The following FOXN3 variants were observed in gnomAD, a reference collection of about 807,000 sequenced individuals.
The protein encoded by FOXN3 is forkhead box protein N3.
A neutral mutation model predicts 38.4 loss-of-function variants in FOXN3; 7 were observed. The ratio of observed to expected loss-of-function variants is 0.18; its 90% CI spans 0.10 to 0.34. The LOEUF is 0.34. Ranked by LOEUF, FOXN3 falls within the 10% of genes least tolerant of loss-of-function variation. FOXN3 has a pLI of 1.00. For synonymous variants in FOXN3, 230 were observed against 242.2 expected, an observed-to-expected ratio of 0.95 and a Z score of 0.47; for missense variants, 456 against 613.4, an observed-to-expected ratio of 0.74 and a Z score of 2.71.
intron 1 of FOXN3, among the ~76,000 whole-genome samples, chr14:89,434,753 A>G (rs753656563): frequency 4.6e-5 from 7 of 152,158 alleles, no homozygotes; most frequent in Non-Finnish European, 8.8e-5. Flanking sequence ...TGAATGTCCT[A>G]CTACCACAAG....
chr14:89,473,382 CTT>C (rs75534470), intron 1 of FOXN3, among the ~76,000 whole-genome samples: 30 of 137,986 alleles, frequency 2.2e-4, no homozygotes, highest in Middle Eastern at 4.1e-3. Context: ...CTCCACAACG[CTT>C]TTTTTTTTTT....
intron 3 of FOXN3, among the ~76,000 whole-genome samples, chr14:89,302,955 A>G (rs2139948691): frequency 6.6e-6 from 1 of 152,194 alleles, no homozygotes; most frequent in East Asian, 1.9e-4. Flanking sequence ...AACTGCTACC[A>G]CTTCATATAC....
chr14:89,505,390 TCA>T (rs1893896787), intron 1 of FOXN3, among the ~76,000 whole-genome samples: 1 of 150,432 alleles, frequency 6.6e-6, no homozygotes, highest in Admixed American at 6.6e-5. Flanking sequence ...TTCTCCTGCC[TCA>T]GCCTGCCGAG....
At chr14:89,591,134 G>A (rs891122083) in intron 1 of FOXN3, among the ~76,000 whole-genome samples, 6 of 152,112 alleles carry the variant, frequency 3.9e-5, no homozygotes, top group African/African-American at 9.7e-5. Flanking sequence ...TAGGAGTGTC[G>A]GCTGTGACCT....
At position 89,528,376 on chromosome 14, in the gene FOXN3, C is replaced by CTTTTTTTTTTTTTTTTTTTTTTTTTTTT. The variant is rs55935162; in HGVS notation, c.-15+90624_-15+90651dup. On this transcript the variant is annotated intron_variant, in intron 1 of 6. Transcript: ENST00000345097. ...TCATCCATACTCAACATGGATGAATCTTTTTTTTTTTTTTTTTTTTTTTTT... is the reference window on the plus strand; with the variant it reads ...TCATCCATACTCAACATGGATGAATCTTTTTTTTTTTTTTTTTTTTTTTTTTTTTTTTTTTTTTTTTTTTTTTTTTTTT... Among the ~76,000 whole-genome samples, 4 of 53,576 alleles carry CTTTTTTTTTTTTTTTTTTTTTTTTTTTT rather than the reference C, an allele frequency of 7.5e-5. 1 individual carries two copies. The highest frequency in any genetic ancestry group is 1.0e-4 in the Non-Finnish European group (3 of 29,540). 35.1% of individuals were successfully genotyped at this position (53,576 alleles called of 152,430 possible). A position where few individuals can be genotyped will look rare whatever the true frequency, so the allele number is the denominator to read the frequency against.
chr14:89,328,652 T>C (rs995446286), intron 3 of FOXN3, among the ~76,000 whole-genome samples: 3 of 152,118 alleles, frequency 2.0e-5, no homozygotes, highest in African/African-American at 7.2e-5. Flanking sequence ...CCAGCAGCAC[T>C]AGATGAATGG....
intron 1 of FOXN3, among the ~76,000 whole-genome samples, chr14:89,545,502 G>A (rs1279307417): frequency 1.3e-5 from 2 of 152,142 alleles, no homozygotes; most frequent in East Asian, 1.9e-4. Context: ...TGTCCCATTC[G>A]TGGCCTCCCC....
chr14:89,234,753 G>A (rs1213072822), intron 4 of FOXN3, among the ~76,000 whole-genome samples: 1 of 151,616 alleles, frequency 6.6e-6, no homozygotes, highest in African/African-American at 2.4e-5. Context: ...TTGGACAGGT[G>A]TGAGCTGGTA....
At chr14:89,483,660 G>A (rs539012866) in intron 1 of FOXN3, among the ~76,000 whole-genome samples, 15 of 152,092 alleles carry the variant, frequency 9.9e-5, no homozygotes, top group Admixed American at 2.6e-4. Flanking sequence ...CGCCTGCCTC[G>A]GCCTCCCAAA....
intron 1 of FOXN3, among the ~76,000 whole-genome samples, chr14:89,549,959 T>C (rs1894967251): frequency 6.6e-6 from 1 of 152,242 alleles, no homozygotes; most frequent in Non-Finnish European, 1.5e-5. Context: ...GGCCGGCTAA[T>C]GCTCCTTCAG....
chr14:89,532,870 G>C (rs1894598930), intron 1 of FOXN3, among the ~76,000 whole-genome samples: 1 of 152,178 alleles, frequency 6.6e-6, no homozygotes, highest in Non-Finnish European at 1.5e-5. Flanking sequence ...CAAAGGTATA[G>C]CTATACATGT....
At position 89,180,739 on chromosome 14, in the gene FOXN3, C is replaced by T. The variant is rs190813559; in HGVS notation, c.813G>A (p.Pro271=). The change falls in exon 5 of 6, where the codon CCG becomes CCA. Residue 271 remains proline, a synonymous_variant. Coordinates refer to ENST00000557258, the MANE Select transcript of FOXN3 (RefSeq NM_005197.4). ...TCACCCCAATGGGAGTGATTGGCAG[C>T]GGCCGCACGCCAGGAAACAGCCCTC... ...LSRGLFPGVR[P]LPITPIGVTA... is the part of the protein sequence containing the mutation. The T allele has an allele frequency of 6.5e-5, 104 of 1,611,538 alleles. No individual in the cohort carries two copies. Among genetic ancestry groups the T allele is most frequent in the East Asian group, 6.0e-4 (27 of 44,826 alleles).
intron 1 of FOXN3, among the ~76,000 whole-genome samples, chr14:89,610,441 C>T (rs242765): frequency 0.94 from 143,363 of 152,302 alleles, 68,062 homozygotes; most frequent in East Asian, 1. Flanking sequence ...ATGGATCTGA[C>T]GGGATAACTC....
chr14:89,299,400 C>T (rs1364355796), intron 3 of FOXN3, among the ~76,000 whole-genome samples: 1 of 152,242 alleles, frequency 6.6e-6, no homozygotes, highest in Non-Finnish European at 1.5e-5. Context: ...TCCATTAAAC[C>T]TCTTTCCTTT....
chr14:89,578,311 G>C (rs1462472187), intron 1 of FOXN3, among the ~76,000 whole-genome samples: 1 of 152,118 alleles, frequency 6.6e-6, no homozygotes, highest in Non-Finnish European at 1.5e-5. Context: ...ATTTTTGCTA[G>C]CTAATCTTTT....
At chr14:89,546,877 A>G (rs559259673) in intron 1 of FOXN3, among the ~76,000 whole-genome samples, 34 of 151,564 alleles carry the variant, frequency 2.2e-4, no homozygotes, top group Non-Finnish European at 4.1e-4. Context: ...TCCGCCTCCC[A>G]GGTTCAGGCA....
At chr14:89,551,265 G>A (rs1309836628) in intron 1 of FOXN3, among the ~76,000 whole-genome samples, 2 of 152,142 alleles carry the variant, frequency 1.3e-5, no homozygotes, top group African/African-American at 4.8e-5. Flanking sequence ...TGTGCTATGG[G>A]GCTCAAGAGC....
chr14:89,297,559 C>CAAAAAAA (rs919496715), intron 3 of FOXN3, among the ~76,000 whole-genome samples: 77 of 103,556 alleles, frequency 7.4e-4, no homozygotes, highest in East Asian at 1.4e-3. Context: ...GACTCCCTTT[C>CAAAAAAA]AAAAAAAAAA....
intron 1 of FOXN3, among the ~76,000 whole-genome samples, chr14:89,488,954 A>G (rs1029647684): frequency 1.3e-5 from 2 of 152,254 alleles, no homozygotes; most frequent in Non-Finnish European, 2.9e-5. Context: ...ATTAGAGGAA[A>G]AAATGCTTCT....
Sources: allele counts gnomAD v4.1 joint callset (sites outside exome capture counted in the v4.1 genomes callset), GRCh38; gene constraint gnomAD v4.1.1; transcripts MANE v1.5; gene names NCBI Gene and HGNC (gene_info 2026-07-23, HGNC 2026-07-21).